The following THNSL2 variants were observed in gnomAD, a reference collection of about 807,000 sequenced individuals.
THNSL2 encodes the protein threonine synthase like 2, also known as threonine synthase-like 2.
THNSL2 carries 34 observed loss-of-function variants against 40.0 expected under a neutral mutation model. That is an observed-to-expected ratio of 0.85 (90% confidence interval 0.65 to 1.13). The LOEUF (loss-of-function observed/expected upper bound fraction) is 1.13. Among genes scored for constraint, THNSL2 ranks in the 50% most tolerant of loss-of-function variants. The pLI is 0.00. For synonymous variants in THNSL2, 241 were observed against 247.5 expected, an observed-to-expected ratio of 0.97 and a Z score of 0.25; for missense variants, 537 against 608.8, an observed-to-expected ratio of 0.88 and a Z score of 1.24.
intron 4 of THNSL2, among the ~76,000 whole-genome samples, chr2:88,177,938 G>A (rs1056289264): frequency 6.6e-6 from 1 of 152,180 alleles, no homozygotes; most frequent in Admixed American, 6.5e-5. Context: ...TGGATCTAGA[G>A]TCAGTCCCCC....
chr2:88,172,716 C>G (rs935324379), intron 1 of THNSL2: 1 of 154,556 alleles, frequency 6.5e-6, no homozygotes, highest in African/African-American at 2.4e-5. Context: ...GGTTTTTGAG[C>G]AGAAGTGGAC....
chr2:88,182,101 A>G (rs1677757510), intron 5 of THNSL2, among the ~76,000 whole-genome samples: 1 of 152,176 alleles, frequency 6.6e-6, no homozygotes, highest in Non-Finnish European at 1.5e-5. Context: ...GTGAACATAT[A>G]TTTTTACTTC....
chr2:88,175,486 C>T, intron 4 of THNSL2, 85 bp downstream of exon 4: 1 of 1,540,462 alleles, frequency 6.5e-7, no homozygotes. Context: ...AACAAAATTG[C>T]ACAGTTGGGT....
chr2:88,185,232 T>G (rs1678140178), intron 7 of THNSL2, 96 bp from the exon 8 acceptor site: 1 of 1,501,180 alleles, frequency 6.7e-7, no homozygotes, highest in African/African-American at 1.4e-5. Flanking sequence ...ACTGGATCCC[T>G]GGGGTTTGTG....
At chr2:88,171,990 AT>A (rs1445611825) in intron 1 of THNSL2, 4 of 152,358 alleles carry the variant, frequency 2.6e-5, no homozygotes, top group Non-Finnish European at 4.4e-5. Flanking sequence ...AGACTAGGAA[AT>A]GAGAATTCCT....
intron 2 of THNSL2, among the ~76,000 whole-genome samples, chr2:88,173,635 A>G (rs1430664911): frequency 1.3e-5 from 2 of 151,958 alleles, no homozygotes; most frequent in Admixed American, 6.6e-5. Flanking sequence ...TAAAAAAAAA[A>G]AAACAAAAAC....
chr2:88,174,508 TG>T, intron 2 of THNSL2, 130 bp from the exon 3 acceptor site: 1 of 862,682 alleles, frequency 1.2e-6, no homozygotes, highest in Non-Finnish European at 1.8e-6. Flanking sequence ...TATTCAAAAA[TG>T]GTATCATTTA....
In THNSL2 at chr2:88,185,386, G is replaced by T. The variant is rs758117080; in HGVS notation, c.1136G>T (p.Gly379Val). 1.2e-6 allele frequency: 2 copies of T among 1,614,058 alleles called. No individual in the cohort carries two copies. The highest frequency in any genetic ancestry group is 1.7e-6 in the Non-Finnish European group (2 of 1,180,028). ...GATGAAGCCATCACCCAGACCATGGGCCGCTGCTGGGATGAGAACCAGTAC... is the reference window on the plus strand; with the variant it reads ...GATGAAGCCATCACCCAGACCATGGTCCGCTGCTGGGATGAGAACCAGTAC... ...VSDEAITQTM[G>V]RCWDENQYLL... The change falls in exon 8 of 9, where the codon GGC (glycine) becomes GTC (valine). Residue 379 changes from glycine (G) to valine (V), a missense_variant. Gly to Val is a moderately radical substitution (Grantham distance 109). Transcript: ENST00000674334.
rs372281823 is a variant in THNSL2, at chr2:88,186,062, G to A, written c.1394G>A (p.Arg465Gln). Reference protein sequence around the residue: ...RRGDNWMLMLRDTIEDLSRQW... With the variant: ...RRGDNWMLMLQDTIEDLSRQW... ...GGTGACAACTGGATGCTGATGCTTCGGGACACCATTGAGGACCTTAGCCGA... is the reference window on the plus strand; with the variant it reads ...GGTGACAACTGGATGCTGATGCTTCAGGACACCATTGAGGACCTTAGCCGA... The change falls in exon 9 of 9, where the codon CGG becomes CAG. Residue 465 changes from arginine (R) to glutamine (Q), a missense_variant. By Grantham distance (43) the Arg-to-Gln change is conservative. Coordinates refer to ENST00000674334, the MANE Select transcript of THNSL2 (RefSeq NM_018271.5). The A allele has an allele frequency of 1.1e-5, 18 of 1,584,064 alleles. No individual in the cohort carries two copies. The highest frequency in any genetic ancestry group is 2.3e-5 in the East Asian group (1 of 43,606).
chr2:88,185,037 G>A (rs1298760916), intron 7 of THNSL2, among the ~76,000 whole-genome samples: 7 of 152,204 alleles, frequency 4.6e-5, no homozygotes, highest in Admixed American at 3.3e-4. Context: ...TGGCTGCCCC[G>A]AGCCTTCTGG....
chr2:88,184,502 C>T (rs1238428956), intron 7 of THNSL2, among the ~76,000 whole-genome samples: 3 of 152,098 alleles, frequency 2.0e-5, no homozygotes, highest in Admixed American at 6.5e-5. Flanking sequence ...AGATGGCTCA[C>T]GCCTCTAATC....
chr2:88,178,686 T>C, intron 4 of THNSL2, 97 bp from the exon 5 acceptor site: 1 of 1,314,206 alleles, frequency 7.6e-7, no homozygotes, highest in Non-Finnish European at 1.1e-6. Flanking sequence ...CCCAGGAGGG[T>C]GGGCTCAGCC....
rs749204023 is a variant in THNSL2, at chr2:88,178,934, G to C, written c.723G>C (p.Gln241His). Residue 241 changes from glutamine (Q) to histidine (H), a missense_variant, in exon 5 of 9, where the codon CAG (glutamine) becomes CAC (histidine). By Grantham distance (24) the Gln-to-His change is conservative. Transcript: ENST00000674334. Reference protein sequence around the residue: ...QMAHHFFAYFQCTPSLDTHPL... With the variant: ...QMAHHFFAYFHCTPSLDTHPL... ...CCCATCACTTCTTTGCTTACTTCCA[G>C]TGTACGCCATCCTTGGACACACATC... The C allele has an allele frequency of 1.2e-6, 2 of 1,614,122 alleles. No homozygotes were observed. The highest frequency in any genetic ancestry group is 3.3e-5 in the Admixed American group (2 of 60,010).
chr2:88,185,745 A>C (rs760992330), intron 8 of THNSL2, 153 bp from the exon 9 acceptor site: 6 of 1,548,462 alleles, frequency 3.9e-6, no homozygotes, highest in Non-Finnish European at 5.2e-6. Context: ...TGTAGCAATA[A>C]GTTCAAGGTG....
At chr2:88,185,166 T>A (rs563787783) in intron 7 of THNSL2, among the ~76,000 whole-genome samples, 162 bp from the exon 8 acceptor site, 1 of 152,242 alleles carries the variant, frequency 6.6e-6, no homozygotes, top group African/African-American at 2.4e-5. Flanking sequence ...AGCTCAAAAC[T>A]AGGAGGCCAG....
chr2:88,182,607 A>G, intron 5 of THNSL2, 92 bp from the exon 6 acceptor site: 2 of 1,387,352 alleles, frequency 1.4e-6, no homozygotes, highest in East Asian at 2.5e-5. Flanking sequence ...AAAAAGCACA[A>G]AAGTTTCTTA....
chr2:88,179,245 C>A (rs993230914), intron 5 of THNSL2, among the ~76,000 whole-genome samples: 37 of 152,230 alleles, frequency 2.4e-4, no homozygotes, highest in Non-Finnish European at 5.3e-4. Flanking sequence ...CCACATGCTC[C>A]CACAGCCTGA....
intron 5 of THNSL2, among the ~76,000 whole-genome samples, chr2:88,182,097 A>G (rs533067651): frequency 6.2e-4 from 95 of 152,306 alleles, no homozygotes; most frequent in Non-Finnish European, 1.2e-3. Context: ...TCATGTGAAC[A>G]TATATTTTTA....
rs374817310 is a variant in THNSL2, at chr2:88,173,108, C to T, written c.-12-31C>T. 13 of 1,450,018 alleles carry T rather than the reference C, an allele frequency of 9.0e-6. No homozygotes were observed. In the African/African-American group the frequency reaches 1.4e-4, roughly 16 times the overall value. The allele number at this position is 1,450,018 out of a possible 1,614,324, so 89.8% of individuals were successfully genotyped here. Reference sequence around the variant, plus strand: ...CCGGTGGGGTGTGGGAGCTTGGAGACCAGGTGCTTCTGGGACTGTCCTCTC... The same window carrying T: ...CCGGTGGGGTGTGGGAGCTTGGAGATCAGGTGCTTCTGGGACTGTCCTCTC... On this transcript the variant is annotated intron_variant, in intron 1 of 8. Transcript: ENST00000674334.
Sources: gnomAD v4.1 joint callset for allele counts (sites outside exome capture counted in the v4.1 genomes callset) on GRCh38, gnomAD v4.1.1 for gene constraint, MANE v1.5 for transcripts, NCBI Gene and HGNC (gene_info 2026-07-23, HGNC 2026-07-21) for gene names.